Variants in TTN observed in about 807,000 individuals in gnomAD.
TTN encodes the protein titin, also known as connectin.
Under a neutral mutation model 3,223.0 loss-of-function variants are expected in TTN, and 1,525 were observed. The observed-to-expected ratio is 0.47, with a 90% CI of 0.45 to 0.49. The LOEUF (loss-of-function observed/expected upper bound fraction) is 0.49. Ranked by LOEUF, TTN falls within the 20% of genes least tolerant of loss-of-function variation. TTN has a pLI of 0.00. For missense variants in TTN, 40,786 were observed against 43,424.0 expected, an observed-to-expected ratio of 0.94 and a Z score of 5.40; for synonymous variants, 14,094 against 15,161.0, an observed-to-expected ratio of 0.93 and a Z score of 5.17.
rs894849476 is a variant in TTN at position 178,607,984 on chromosome 2, A to G, written c.52803T>C (p.Ile17601=). Residue 17601 remains isoleucine, a synonymous_variant, in exon 276 of 363, where the codon ATT becomes ATC. Transcript: ENST00000589042. ...EPPAFNGGGE[I]VGYFVDKQLV... ...ACTGCTTATCAACAAAATAGCCAAC[A>G]ATTTCCCCACCACCATTGAAAGCTG... 68 of 1,612,780 alleles carry G rather than the reference A, an allele frequency of 4.2e-5. No homozygotes were observed. Among genetic ancestry groups the G allele is most frequent in the Non-Finnish European group, 5.4e-5 (64 of 1,179,344 alleles).
chr2:178,749,216 A>C (rs2084632359), intron 47 of TTN: 1 of 1,610,924 alleles, frequency 6.2e-7, no homozygotes, highest in Non-Finnish European at 8.5e-7. Context: ...ATTATTTCTT[A>C]TTTCTTTCTT....
chr2:178,547,523 A>C lies in TTN; in HGVS notation c.94103T>G (p.Ile31368Ser). ...GTATTTTGTGAGATGAGTGACTTTA[A>C]TTTGAGTGCGCTTGACACTGGAATT... Reference protein sequence around the residue: ...LVNSSVKRTQIKVTHLTKYME... With the variant: ...LVNSSVKRTQSKVTHLTKYME... The change falls in exon 339 of 363, where the codon ATT becomes AGT. Residue 31368 changes from isoleucine (I) to serine (S), a missense_variant. Physicochemically the swap from Ile to Ser is moderately radical, Grantham distance 142 (BLOSUM62 -2). Transcript: ENST00000589042. 1.2e-6 allele frequency: 2 copies of C among 1,613,722 alleles called. No homozygotes were observed. Among genetic ancestry groups the C allele is most frequent in the Non-Finnish European group, 1.7e-6 (2 of 1,179,750 alleles).
Position 178,730,518 on chromosome 2 carries a change from A to G in TTN, c.18015T>C (p.His6005=). The G allele has an allele frequency of 6.2e-7, 1 of 1,603,218 alleles. No homozygotes were observed. Among genetic ancestry groups the G allele is most frequent in the African/African-American group, 1.3e-5 (1 of 74,808 alleles). The stretch of plus-strand genomic sequence containing the variant: ...AAATTTGCCAACCTTTGACTGTCAG[A>G]TGCCCACTGCATTGGTTGTGCCCTG... ...NKAGHNQCSG[H]LTVKEPPYFV... The change falls in exon 61 of 363, where the codon CAT becomes CAC. Residue 6005 remains histidine (H), a synonymous_variant. Transcript: ENST00000589042.
At position 178,632,975 on chromosome 2, in the gene TTN, C is replaced by G. The variant is rs762501686; in HGVS notation, c.43156G>C (p.Gly14386Arg). The G allele has an allele frequency of 6.2e-7, 1 of 1,613,262 alleles. No homozygotes were observed. The highest frequency in any genetic ancestry group is 1.7e-5 in the Admixed American group (1 of 59,982). The change falls in exon 234 of 363, where the codon GGA (glycine) becomes CGA (arginine). Residue 14386 changes from glycine to arginine, a missense_variant. By Grantham distance (125) the Gly-to-Arg change is moderately radical (BLOSUM62 -2). Coordinates refer to ENST00000589042, the MANE Select transcript of TTN (RefSeq NM_001267550.2). ...TTAGCAGCCTGGAAGGAAACCTCTC[C>G]TGTCATACCCAGCTGACAGTTATGA... The part of the protein sequence containing the change: ...ILHNCQLGMT[G>R]EVSFQAANAK...
rs1268559382 is a variant in TTN at position 178,570,987 on chromosome 2, G to A, written c.75145C>T (p.Pro25049Ser). The change falls in exon 326 of 363, where the codon CCT becomes TCT. Residue 25049 changes from proline (P) to serine (S), a missense_variant. Physicochemically the swap from Pro to Ser is moderately conservative, Grantham distance 74. Coordinates refer to ENST00000589042, the MANE Select transcript of TTN (RefSeq NM_001267550.2). Reference protein sequence around the residue: ...TGYIVEKKELPEGRWMKASFT... With the variant: ...TGYIVEKKELSEGRWMKASFT... ...CTGGCTTTCATCCAACGGCCCTCAG[G>A]TAATTCTTTCTTCTCAACAATATAA... The A allele has an allele frequency of 6.2e-7, 1 of 1,613,250 alleles. No individual in the cohort carries two copies. Among genetic ancestry groups the A allele is most frequent in the Non-Finnish European group, 8.5e-7 (1 of 1,179,534 alleles).
At chr2:178,667,075 G>C (rs2066082875) in intron 162 of TTN, among the ~76,000 whole-genome samples, 161 bp downstream of exon 162, 1 of 151,794 alleles carries the variant, frequency 6.6e-6, no homozygotes, top group Non-Finnish European at 1.5e-5. Flanking sequence ...GACTTTCTTG[G>C]GGGCAAGTCA....
At chr2:178,761,793 T>C (rs575126879) in intron 43 of TTN, among the ~76,000 whole-genome samples, 3 of 152,256 alleles carry the variant, frequency 2.0e-5, no homozygotes, top group South Asian at 4.2e-4. Flanking sequence ...AGAATTAAAA[T>C]TGCACAGATG....
chr2:178,549,612 T>A lies in TTN; in HGVS notation c.92110A>T (p.Arg30704Trp). 2.5e-6 allele frequency: 4 copies of A among 1,613,760 alleles called. No homozygotes were observed. Among genetic ancestry groups the A allele is most frequent in the Non-Finnish European group, 3.4e-6 (4 of 1,179,712 alleles). ...VSAVNKFGVG[R>W]PLDSDPVVAQ... Reference sequence around the variant, plus strand: ...ACCACTGGATCAGAATCAAGTGGCCTGCCAACACCAAACTTGTTAACTGCA... The same window carrying A: ...ACCACTGGATCAGAATCAAGTGGCCAGCCAACACCAAACTTGTTAACTGCA... The change falls in exon 338 of 363, where the codon AGG (arginine) becomes TGG (tryptophan). Residue 30704 changes from arginine to tryptophan, a missense_variant. Physicochemically the swap from Arg to Trp is moderately radical, Grantham distance 101 (BLOSUM62 -3). Transcript: ENST00000589042.
At chr2:178,725,703 A>C (rs1342245680) in intron 70 of TTN, 54 bp from the exon 71 acceptor site, 2 of 1,550,312 alleles carry the variant, frequency 1.3e-6, no homozygotes, top group Non-Finnish European at 1.7e-6. Flanking sequence ...AGATCATGCG[A>C]GAGTGAAAAA....
At chr2:178,631,941 G>T (rs939231844) in intron 236 of TTN, among the ~76,000 whole-genome samples, 4 of 152,004 alleles carry the variant, frequency 2.6e-5, no homozygotes, top group Non-Finnish European at 5.9e-5. Context: ...TGGCTATTTT[G>T]TGGGTGTAAG....
At position 178,539,828 on chromosome 2, in the gene TTN, C is replaced by T. The variant is rs1410694267; in HGVS notation, c.98237G>A (p.Ser32746Asn). The T allele has an allele frequency of 1.3e-5, 21 of 1,613,756 alleles. No individual in the cohort carries two copies. Among genetic ancestry groups the T allele is most frequent in the South Asian group, 2.2e-5 (2 of 91,084 alleles). ...CKWTKEGQDISKRAMIATSET... is the reference protein window; with the variant it reads ...CKWTKEGQDINKRAMIATSET... ...AGATGTTGCAATCATGGCACGCTTACTAATATCCTGGCCTTCCTTGGTCCA... is the reference window on the plus strand; with the variant it reads ...AGATGTTGCAATCATGGCACGCTTATTAATATCCTGGCCTTCCTTGGTCCA... The change falls in exon 352 of 363, where the codon AGT becomes AAT. Residue 32746 changes from serine to asparagine, a missense_variant. Transcript: ENST00000589042.
rs747238891 is a variant in TTN at position 178,722,654 on chromosome 2, A to G, written c.22240+5T>C. 8.6e-5 allele frequency: 137 copies of G among 1,597,170 alleles called. No homozygotes were observed. The highest frequency in any genetic ancestry group is 1.1e-4 in the Non-Finnish European group (134 of 1,172,854). On this transcript the variant is annotated splice_donor_5th_base_variant and intron_variant, in intron 76 of 362. Transcript: ENST00000589042. ...GAATTTTTTTAATTTGTAAAATATCATCACCTTGAATTCTGAACACAGTCT... is the reference window on the plus strand; with the variant it reads ...GAATTTTTTTAATTTGTAAAATATCGTCACCTTGAATTCTGAACACAGTCT...
In TTN at chr2:178,720,616, C is replaced by A. The variant is rs2154300766; in HGVS notation, c.23146G>T (p.Gly7716Cys). 1 of 1,610,622 alleles carries A rather than the reference C, an allele frequency of 6.2e-7. No homozygotes were observed. Among genetic ancestry groups the A allele is most frequent in the Non-Finnish European group, 8.5e-7 (1 of 1,178,668 alleles). ...TCACATTGGAGAATCACATCAGAAC[C>A]TTTAAGAGCTCCTACTGGAGAAGGC... ...QKPSPVGALK[G>C]SDVILQCEIS... The change falls in exon 80 of 363, where the codon GGT becomes TGT. Residue 7716 changes from glycine (G) to cysteine (C), a missense_variant. By Grantham distance (159) the Gly-to-Cys change is radical (BLOSUM62 -3). Transcript: ENST00000589042.
At chr2:178,698,339 G>C (rs1025875533) in intron 112 of TTN, among the ~76,000 whole-genome samples, 19 of 152,076 alleles carry the variant, frequency 1.2e-4, no homozygotes, top group Admixed American at 7.9e-4. Context: ...GTTAATAATA[G>C]TGTACTGTAC....
chr2:178,729,322 G>C lies in TTN; in HGVS notation c.18834C>G (p.Gly6278=). Residue 6278 remains glycine, a synonymous_variant, in exon 64 of 363, where the codon GGC becomes GGG. Transcript: ENST00000589042. ...CAACTCTAGTACTGCATGAGCAGCT[G>C]CCGCCTTCATTGGATACAATGCACT... ...EYQCIVSNEG[G]SCSCSTRVAL... 1 of 1,612,036 alleles carries C rather than the reference G, an allele frequency of 6.2e-7. No individual in the cohort carries two copies. Among genetic ancestry groups the C allele is most frequent in the Middle Eastern group, 1.7e-4 (1 of 6,046 alleles).
At position 178,609,372 on chromosome 2, in the gene TTN, G is replaced by C. The variant is rs372927085; in HGVS notation, c.51938C>G (p.Pro17313Arg). Reference sequence around the variant, plus strand: ...ACGCTGTGTCAGAGGCAGGACAAATGGTTCTTCTTCTTGAACTTCACCCTT... The same window carrying C: ...ACGCTGTGTCAGAGGCAGGACAAATCGTTCTTCTTCTTGAACTTCACCCTT... Reference protein sequence around the residue: ...RRKGEVQEEEPFVLPLTQRLS... With the variant: ...RRKGEVQEEERFVLPLTQRLS... Residue 17313 changes from proline (P) to arginine (R), a missense_variant, in exon 273 of 363, where the codon CCA (proline) becomes CGA (arginine). Physicochemically the swap from Pro to Arg is moderately radical, Grantham distance 103. Coordinates refer to ENST00000589042, the MANE Select transcript of TTN (RefSeq NM_001267550.2). 7 of 1,612,140 alleles carry C rather than the reference G, an allele frequency of 4.3e-6. No homozygotes were observed. The highest frequency in any genetic ancestry group is 1.1e-5 in the South Asian group (1 of 90,982).
intron 250 of TTN, 93 bp downstream of exon 250, chr2:178,619,528 G>C: frequency 6.7e-7 from 1 of 1,485,816 alleles, no homozygotes; most frequent in Non-Finnish European, 9.1e-7. Flanking sequence ...AGAAATGAAA[G>C]ACCCTCACAA....
At chr2:178,783,167 A>G in intron 17 of TTN, 103 bp from the exon 18 acceptor site, 1 of 1,327,450 alleles carries the variant, frequency 7.5e-7, no homozygotes, top group Non-Finnish European at 1.1e-6. Context: ...TTCAACTGCC[A>G]CAAAATGGCC....
chr2:178,779,240 G>C lies in TTN; in HGVS notation c.3952C>G (p.Pro1318Ala). Reference protein sequence around the residue: ...VTFHCKMSGYPLPKIAWYKDG... With the variant: ...VTFHCKMSGYALPKIAWYKDG... ...TGTTTATATTTTACCTTTGGTAATG[G>C]ATATCCAGACATCTTGCAATGAAAA... Residue 1318 changes from proline (P) to alanine (A), a missense_variant, in exon 23 of 363, where the codon CCA (proline) becomes GCA (alanine). Transcript: ENST00000589042. 1 of 1,613,574 alleles carries C rather than the reference G, an allele frequency of 6.2e-7. No individual in the cohort carries two copies.
Sources: gnomAD v4.1 joint callset for allele counts (sites outside exome capture counted in the v4.1 genomes callset) on GRCh38, gnomAD v4.1.1 for gene constraint, MANE v1.5 for transcripts, NCBI Gene and HGNC (gene_info 2026-07-23, HGNC 2026-07-21) for gene names.